INSYN2B: variants seen among roughly 807,000 people sequenced by gnomAD.
INSYN2B encodes protein INSYN2B.
INSYN2B carries 16 observed loss-of-function variants against 41.2 expected under a neutral mutation model. The observed-to-expected ratio is 0.39, with a 90% CI of 0.26 to 0.59. INSYN2B has a LOEUF of 0.59. Among genes scored for constraint, INSYN2B ranks in the 20% least tolerant of loss-of-function variants. The pLI is 0.57. For missense variants in INSYN2B, 608 were observed against 646.4 expected (o/e 0.94, Z 0.64); for synonymous variants, 245 against 244.4 (o/e 1.00, Z -0.02).
chr5:169,961,305 A>T (rs1777076455), intron 1 of INSYN2B, among the ~76,000 whole-genome samples: 1 of 152,252 alleles, frequency 6.6e-6, no homozygotes, highest in African/African-American at 2.4e-5. Context: ...TTAAATTAAG[A>T]TGAATGGAAT....
intron 1 of INSYN2B, among the ~76,000 whole-genome samples, chr5:169,976,818 G>A (rs563671973): frequency 1.3e-5 from 2 of 152,276 alleles, no homozygotes; most frequent in African/African-American, 2.4e-5. Context: ...TGACTCTGCC[G>A]GAGTTGCCAT....
intron 3 of INSYN2B, among the ~76,000 whole-genome samples, chr5:169,877,694 A>T (rs538774157): frequency 1.6e-4 from 25 of 152,352 alleles, no homozygotes; most frequent in African/African-American, 6.0e-4. Flanking sequence ...GATATCAGAT[A>T]AAAGGTAGCA....
intron 1 of INSYN2B, among the ~76,000 whole-genome samples, chr5:169,926,023 C>G (rs997208933): frequency 6.6e-6 from 1 of 152,140 alleles, no homozygotes; most frequent in Non-Finnish European, 1.5e-5. Context: ...GGCAGGATGT[C>G]GTCAGCTCTG....
intron 1 of INSYN2B, among the ~76,000 whole-genome samples, chr5:169,918,818 C>T (rs571803303): frequency 1.3e-5 from 2 of 152,264 alleles, no homozygotes; most frequent in East Asian, 1.9e-4. Context: ...GAGGCTGAGG[C>T]AGGAGGATTG....
At chr5:169,976,371 G>A (rs990058383) in intron 1 of INSYN2B, among the ~76,000 whole-genome samples, 1 of 152,094 alleles carries the variant, frequency 6.6e-6, no homozygotes, top group Non-Finnish European at 1.5e-5. Context: ...CTTTCCTCCT[G>A]TATAAAATGA....
At chr5:169,976,996 G>A (rs1455809957) in intron 1 of INSYN2B, among the ~76,000 whole-genome samples, 5 of 152,352 alleles carry the variant, frequency 3.3e-5, no homozygotes, top group Middle Eastern at 3.4e-3. Flanking sequence ...CTATTGCACA[G>A]CAGGATGTCC....
chr5:169,882,929 C>CT lies in INSYN2B; in HGVS notation c.969dup (p.Gly324ArgfsTer11). ...GATGAAGGACAGTCTGAGGCTCTTC[C>CT]TGGGTGGGCTGGCTGGCTGTGGGAG... On this transcript the variant is annotated frameshift_variant, in exon 2 of 4. Transcript: ENST00000377365. LOFTEE classifies it high-confidence loss of function. The CT allele has an allele frequency of 6.4e-7, 1 of 1,551,910 alleles. No individual in the cohort carries two copies. Among genetic ancestry groups the CT allele is most frequent in the Non-Finnish European group, 8.7e-7 (1 of 1,146,980 alleles).
rs183608972 is a variant in INSYN2B, at chr5:169,955,035, G to C, written c.-919+25242C>G. 2.3e-3 allele frequency among the ~76,000 whole-genome samples: 356 copies of C among 152,342 alleles called. 1 individual carries two copies. The highest frequency in any genetic ancestry group is 8.1e-3 in the African/African-American group (338 of 41,572). On this transcript the variant is annotated intron_variant, in intron 1 of 3. Coordinates refer to ENST00000377365, the MANE Select transcript of INSYN2B (RefSeq NM_001129891.3). ...TCAAGGGATTGGAAGAGCAGTCACA[G>C]GTCTCCACCAGCCAAGAGCAAACCT...
chr5:169,956,327 T>G (rs1170903056), intron 1 of INSYN2B, among the ~76,000 whole-genome samples: 1 of 152,204 alleles, frequency 6.6e-6, no homozygotes, highest in Non-Finnish European at 1.5e-5. Flanking sequence ...AGGGAAATGA[T>G]GCCAAGATTT....
chr5:169,888,594 C>A (rs1397901733), intron 1 of INSYN2B, among the ~76,000 whole-genome samples: 2 of 152,178 alleles, frequency 1.3e-5, no homozygotes, highest in African/African-American at 4.8e-5. Flanking sequence ...CTGCCCAGTC[C>A]TCTTTTCTCA....
chr5:169,923,493 AC>A (rs1775284994), intron 1 of INSYN2B, among the ~76,000 whole-genome samples: 1 of 152,076 alleles, frequency 6.6e-6, no homozygotes, highest in Non-Finnish European at 1.5e-5. Context: ...GCACACACAC[AC>A]ACACACACAC....
At position 169,882,764 on chromosome 5, in the gene INSYN2B, G is replaced by A. The variant is rs746780387; in HGVS notation, c.1135C>T (p.Leu379Phe). 8 of 1,551,814 alleles carry A rather than the reference G, an allele frequency of 5.2e-6. No individual in the cohort carries two copies. The highest frequency in any genetic ancestry group is 7.0e-6 in the Non-Finnish European group (8 of 1,146,978). Reference protein sequence around the residue: ...EFPNCPGSNHLPSSLSRSETK... With the variant: ...EFPNCPGSNHFPSSLSRSETK... Reference sequence around the variant, plus strand: ...TCACTCCTTGAAAGAGAGGATGGGAGATGATTACTTCCTGGACAATTTGGA... The same window carrying A: ...TCACTCCTTGAAAGAGAGGATGGGAAATGATTACTTCCTGGACAATTTGGA... Residue 379 changes from leucine (L) to phenylalanine (F), a missense_variant, in exon 2 of 4, where the codon CTC becomes TTC. Coordinates refer to ENST00000377365, the MANE Select transcript of INSYN2B (RefSeq NM_001129891.3).
intron 1 of INSYN2B, among the ~76,000 whole-genome samples, chr5:169,927,774 G>A (rs986615120): frequency 3.3e-5 from 5 of 152,086 alleles, no homozygotes; most frequent in Non-Finnish European, 7.4e-5. Flanking sequence ...CCGCCACCAC[G>A]CCTGGCTAAT....
intron 1 of INSYN2B, among the ~76,000 whole-genome samples, chr5:169,930,874 A>T (rs1775718884): frequency 6.6e-6 from 1 of 152,144 alleles, no homozygotes; most frequent in Non-Finnish European, 1.5e-5. Flanking sequence ...CATTCACAAC[A>T]AATTAGCCAT....
At chr5:169,966,667 C>T (rs780196856) in intron 1 of INSYN2B, among the ~76,000 whole-genome samples, 3 of 152,150 alleles carry the variant, frequency 2.0e-5, no homozygotes, top group Non-Finnish European at 4.4e-5. Flanking sequence ...AATCCTGGCA[C>T]ACAGGGACAG....
At chr5:169,866,632 C>A (rs533495817) in intron 3 of INSYN2B, among the ~76,000 whole-genome samples, 1 of 152,340 alleles carries the variant, frequency 6.6e-6, no homozygotes, top group East Asian at 1.9e-4. Flanking sequence ...TCCAGTGAAT[C>A]TGTGTCCTCA....
chr5:169,962,143 T>A (rs1047371791), intron 1 of INSYN2B, among the ~76,000 whole-genome samples: 1 of 151,818 alleles, frequency 6.6e-6, no homozygotes, highest in African/African-American at 2.4e-5. Context: ...ATGTGAGTAA[T>A]AGGACTGGGT....
chr5:169,942,512 T>A (rs932336791), intron 1 of INSYN2B, among the ~76,000 whole-genome samples: 1 of 152,236 alleles, frequency 6.6e-6, no homozygotes, highest in South Asian at 2.1e-4. Context: ...AAATTTGAAC[T>A]CATTTGCAAG....
chr5:169,948,613 A>ATTTTTTTTTTTTTTTTTTTTTTTTT lies in INSYN2B; in HGVS notation c.-919+31663_-919+31664insAAAAAAAAAAAAAAAAAAAAAAAAA, dbSNP rs772095719. Among the ~76,000 whole-genome samples the ATTTTTTTTTTTTTTTTTTTTTTTTT allele has an allele frequency of 4.4e-5, 6 of 135,948 alleles. 1 individual carries two copies. The South Asian group carries it at 1.2e-3, about 28-fold the overall frequency. 89.2% of individuals were successfully genotyped at this position (135,948 alleles called of 152,430 possible). ...TTCTTATTCCTTCCTTCCACAATTAATTTTTTTTTTTTTTTTTAGAGACAG... is the reference window on the plus strand; with the variant it reads ...TTCTTATTCCTTCCTTCCACAATTAATTTTTTTTTTTTTTTTTTTTTTTTTTTTTTTTTTTTTTTTTTAGAGACAG... On this transcript the variant is annotated intron_variant, in intron 1 of 3. Transcript: ENST00000377365.
Sources: allele counts gnomAD v4.1 joint callset (sites outside exome capture counted in the v4.1 genomes callset), GRCh38; gene constraint gnomAD v4.1.1; transcripts MANE v1.5; gene names NCBI Gene and HGNC (gene_info 2026-07-23, HGNC 2026-07-21).